ROBO2: variants seen among roughly 807,000 people sequenced by gnomAD.
The protein encoded by ROBO2 is roundabout guidance receptor 2.
ROBO2 carries 53 observed loss-of-function variants against 160.8 expected under a neutral mutation model. The ratio of observed to expected loss-of-function variants is 0.33; its 90% confidence interval spans 0.26 to 0.41. The LOEUF is 0.41. Among genes scored for constraint, ROBO2 ranks in the 10% least tolerant of loss-of-function variants. The pLI, the probability that ROBO2 is intolerant of heterozygous loss-of-function variation, is 1.00. For missense variants in ROBO2, 1,577 were observed against 1,722.4 expected (o/e 0.92, Z 1.49); for synonymous variants, 664 against 611.7 (o/e 1.09, Z -1.26).
intron 2 of ROBO2, among the ~76,000 whole-genome samples, chr3:77,315,720 GT>G (rs1479550456): frequency 1.3e-5 from 2 of 152,114 alleles, no homozygotes; most frequent in Non-Finnish European, 1.5e-5. Context: ...GGATGGCAAG[GT>G]TTGCACAGCG....
chr3:75,974,023 G>A (rs1295925354), intron 2 of ROBO2, among the ~76,000 whole-genome samples: 1 of 142,894 alleles, frequency 7.0e-6, no homozygotes, highest in African/African-American at 2.6e-5. Context: ...GAAGGAAGGG[G>A]TAATTATTTT....
chr3:76,504,352 A>C lies in ROBO2; in HGVS notation c.109+566750A>C, dbSNP rs980732399. ...GAAAGTGAGAGACAGAAAATGATGCAGAAAGCAACGGCCAGCGCCTAATGA... is the reference window on the plus strand; with the variant it reads ...GAAAGTGAGAGACAGAAAATGATGCCGAAAGCAACGGCCAGCGCCTAATGA... On this transcript the variant is annotated intron_variant, in intron 2 of 26. Transcript: ENST00000487694. Among the ~76,000 whole-genome samples the C allele has an allele frequency of 2.0e-5, 3 of 152,310 alleles. No individual in the cohort carries two copies. The East Asian group carries it at 5.8e-4, about 29-fold the overall frequency.
chr3:76,158,216 C>A (rs1273423932), intron 2 of ROBO2, among the ~76,000 whole-genome samples: 1 of 152,094 alleles, frequency 6.6e-6, no homozygotes, highest in Non-Finnish European at 1.5e-5. Flanking sequence ...GCTCTTACTA[C>A]CATCTATCAA....
intron 2 of ROBO2, among the ~76,000 whole-genome samples, chr3:76,920,861 GT>G (rs1044141334): frequency 6.6e-6 from 1 of 152,052 alleles, no homozygotes; most frequent in Non-Finnish European, 1.5e-5. Context: ...AATAGAATGA[GT>G]TTTTTTAAAA....
intron 2 of ROBO2, among the ~76,000 whole-genome samples, chr3:76,342,396 T>A (rs2074282401): frequency 6.6e-6 from 1 of 152,068 alleles, no homozygotes; most frequent in South Asian, 2.1e-4. Context: ...TCAATCCCCC[T>A]TGAACCCAAG....
At chr3:76,676,383 G>T (rs572384321) in intron 2 of ROBO2, among the ~76,000 whole-genome samples, 1 of 150,894 alleles carries the variant, frequency 6.6e-6, no homozygotes, top group South Asian at 2.1e-4. Flanking sequence ...GTTTTCTGAG[G>T]CCTCCCTAGC....
intron 2 of ROBO2, among the ~76,000 whole-genome samples, chr3:76,375,585 A>G (rs185854415): frequency 6.6e-6 from 1 of 152,138 alleles, no homozygotes; most frequent in East Asian, 1.9e-4. Flanking sequence ...AAATGAATAT[A>G]AAGTGCTCAG....
intron 2 of ROBO2, among the ~76,000 whole-genome samples, chr3:76,315,113 C>G (rs2071902369): frequency 6.6e-6 from 1 of 152,140 alleles, no homozygotes; most frequent in African/African-American, 2.4e-5. Context: ...AACCACTGAT[C>G]AAACTAAGAG....
chr3:76,183,972 A>T (rs1701628211), intron 2 of ROBO2, among the ~76,000 whole-genome samples: 1 of 152,164 alleles, frequency 6.6e-6, no homozygotes, highest in Non-Finnish European at 1.5e-5. Context: ...AATTTAGAAA[A>T]TACAGTAAAG....
At chr3:77,293,367 G>A (rs2061562107) in intron 2 of ROBO2, among the ~76,000 whole-genome samples, 1 of 146,942 alleles carries the variant, frequency 6.8e-6, no homozygotes, top group Non-Finnish European at 1.5e-5. Context: ...ACGATTAAAC[G>A]GGTAAGCTGA....
intron 2 of ROBO2, among the ~76,000 whole-genome samples, chr3:77,277,165 T>TTTCTTTCTTTCTTTCTTTC (rs1560407967): frequency 0.011 from 731 of 63,904 alleles, 6 homozygotes; most frequent in African/African-American, 0.02. Flanking sequence ...TCCTTCTTTC[T>TTTCTTTCTTTCTTTCTTTC]TTCTTTCTTT....
chr3:77,355,587 C>G (rs760611180), intron 2 of ROBO2, among the ~76,000 whole-genome samples: 6 of 151,926 alleles, frequency 3.9e-5, no homozygotes, highest in Non-Finnish European at 8.8e-5. Flanking sequence ...ATCATGAGTG[C>G]TAGTGATGCA....
chr3:76,319,562 A>G (rs974449383), intron 2 of ROBO2, among the ~76,000 whole-genome samples: 10 of 151,952 alleles, frequency 6.6e-5, no homozygotes, highest in African/African-American at 1.9e-4. Flanking sequence ...ATTTTTGGGG[A>G]AAAAAAGTAT....
At chr3:77,237,462 A>C (rs906387195) in intron 2 of ROBO2, among the ~76,000 whole-genome samples, 3 of 98,296 alleles carry the variant, frequency 3.1e-5, no homozygotes, top group African/African-American at 9.6e-5. Context: ...ATAAGGTCTC[A>C]CTATCTTGCC....
chr3:77,038,359 C>T (rs981681172), upstream of ROBO2, among the ~76,000 whole-genome samples: 1 of 152,132 alleles, frequency 6.6e-6, no homozygotes, highest in Non-Finnish European at 1.5e-5. Flanking sequence ...TTTCGCAAGA[C>T]TATTTCATTA....
At chr3:77,168,406 C>T (rs1363192586) in intron 2 of ROBO2, among the ~76,000 whole-genome samples, 1 of 152,144 alleles carries the variant, frequency 6.6e-6, no homozygotes, top group African/African-American at 2.4e-5. Flanking sequence ...TATTTGCCTA[C>T]TCATATTTGT....
intron 2 of ROBO2, among the ~76,000 whole-genome samples, chr3:77,284,848 G>A (rs1458570606): frequency 6.6e-6 from 1 of 152,078 alleles, no homozygotes; most frequent in African/African-American, 2.4e-5. Context: ...AACTTGTAAG[G>A]TTGCAATACA....
At chr3:77,086,450 C>G (rs1169886953) in intron 1 of ROBO2, among the ~76,000 whole-genome samples, 1 of 152,104 alleles carries the variant, frequency 6.6e-6, no homozygotes, top group Non-Finnish European at 1.5e-5. Context: ...CAAGTCAGTC[C>G]TACTGACAGA....
At chr3:76,871,865 G>A (rs1213726224) in intron 2 of ROBO2, among the ~76,000 whole-genome samples, 1 of 152,120 alleles carries the variant, frequency 6.6e-6, no homozygotes, top group Non-Finnish European at 1.5e-5. Flanking sequence ...AATGTAATTA[G>A]CCTTGAAGGG....
Sources: gnomAD v4.1 joint callset for allele counts (sites outside exome capture counted in the v4.1 genomes callset) on GRCh38, gnomAD v4.1.1 for gene constraint, MANE v1.5 for transcripts, NCBI Gene and HGNC (gene_info 2026-07-23, HGNC 2026-07-21) for gene names.